WDR4: variants seen among roughly 807,000 people sequenced by gnomAD.
WDR4 encodes tRNA (guanine-N(7)-)-methyltransferase non-catalytic subunit WDR4.
A neutral mutation model predicts 48.6 loss-of-function variants in WDR4; 47 were observed. The ratio of observed to expected loss-of-function variants is 0.97; its 90% CI spans 0.77 to 1.23. The LOEUF is 1.23. Among genes scored for constraint, WDR4 ranks in the 50% most tolerant of loss-of-function variants. WDR4 has a pLI of 0.00. For missense variants in WDR4, 606 were observed against 551.6 expected (o/e 1.10, Z -0.99); for synonymous variants, 268 against 230.0 (o/e 1.17, Z -1.49).
At chr21:42,879,553 C>T (rs959807819), upstream of WDR4, 5 of 1,590,648 alleles carry the variant, frequency 3.1e-6, no homozygotes, top group East Asian at 4.5e-5. Flanking sequence ...TTCCTGTCCG[C>T]ACCGGTCGGT....
chr21:42,873,751 T>C lies in WDR4; in HGVS notation c.156-60A>G, dbSNP rs573976227. The stretch of plus-strand genomic sequence containing the variant: ...CCTAAGGAAATAAGGCTGCATTCCT[T>C]GTTGGCCAGCGTGGTAATTTCTAAC... On this transcript the variant is annotated intron_variant, in intron 2 of 10. Coordinates refer to ENST00000398208, the MANE Select transcript of WDR4 (RefSeq NM_018669.6). 9 of 1,577,036 alleles carry C rather than the reference T, an allele frequency of 5.7e-6. No homozygotes were observed. The South Asian group carries it at 8.1e-5, about 14-fold the overall frequency.
chr21:42,874,427 A>G (rs2058442815), intron 2 of WDR4, among the ~76,000 whole-genome samples: 1 of 152,228 alleles, frequency 6.6e-6, no homozygotes, highest in African/African-American at 2.4e-5. Flanking sequence ...GCACCTTGAA[A>G]AAGAACAGGA....
At chr21:42,884,841 A>G in the WDR4 span, among the ~76,000 whole-genome samples, 6 of 151,782 alleles carry the variant, frequency 4.0e-5, no homozygotes, top group African/African-American at 1.2e-4. Context: ...CAATGGTGCA[A>G]TCCAGCTCAC....
the WDR4 span, among the ~76,000 whole-genome samples, chr21:42,888,397 A>T: frequency 6.6e-6 from 1 of 152,154 alleles, no homozygotes; most frequent in Non-Finnish European, 1.5e-5. Flanking sequence ...TGTCTCTACA[A>T]AAAATACAAA....
In WDR4 at chr21:42,853,746, A is replaced by G. The variant is rs200229841; in HGVS notation, c.798T>C (p.Pro266=). The change falls in exon 9 of 11, where the codon CCT becomes CCC. Residue 266 remains proline, a synonymous_variant. Transcript: ENST00000398208. ...CGTCCAGCTGGAAGATGTAGACCAC[A>G]GGAGTGCTTGCCACGAAGAAAGAGA... is the stretch of plus-strand genomic sequence containing the variant. ...NCVALLCDGT[P]VVYIFQLDAR... 1,032 of 1,555,802 alleles carry G rather than the reference A, an allele frequency of 6.6e-4. 1 individual carries two copies. The highest frequency in any genetic ancestry group is 1.1e-3 in the South Asian group (96 of 84,448).
At chr21:42,878,252 CT>C (rs1260266959) in intron 1 of WDR4, among the ~76,000 whole-genome samples, 1 of 152,256 alleles carries the variant, frequency 6.6e-6, no homozygotes, top group East Asian at 1.9e-4. Context: ...TCCTCACCCC[CT>C]GGCACGTATC....
intron 3 of WDR4, among the ~76,000 whole-genome samples, chr21:42,869,248 G>A (rs914293811): frequency 3.9e-5 from 6 of 152,212 alleles, no homozygotes; most frequent in Non-Finnish European, 8.8e-5. Context: ...AAGGTAGCAT[G>A]AGAGGACACC....
downstream of WDR4, among the ~76,000 whole-genome samples, chr21:42,848,085 A>C (rs937076892): frequency 6.6e-6 from 1 of 152,242 alleles, no homozygotes; most frequent in African/African-American, 2.4e-5. Flanking sequence ...AAGGAAAACA[A>C]GGCACTTATG....
chr21:42,859,451 G>A (rs1051733429), intron 6 of WDR4, among the ~76,000 whole-genome samples: 5 of 151,944 alleles, frequency 3.3e-5, no homozygotes, highest in Non-Finnish European at 7.4e-5. Context: ...TCCCACAGGC[G>A]AACACACACG....
rs570806918 is a variant in WDR4, at chr21:42,862,949, G to A, written c.453+491C>T. 6.6e-6 allele frequency among the ~76,000 whole-genome samples: 1 copy of A among 152,316 alleles called. No individual in the cohort carries two copies. The highest frequency in any genetic ancestry group is 1.9e-4 in the East Asian group (1 of 5,184). ...GTGTCTGTGACACACGGGGCACACAGAGTGGGGTGACAGGGGCTGCTGGGA... is the reference window on the plus strand; with the variant it reads ...GTGTCTGTGACACACGGGGCACACAAAGTGGGGTGACAGGGGCTGCTGGGA... On this transcript the variant is annotated intron_variant, in intron 4 of 10. Coordinates refer to ENST00000398208, the MANE Select transcript of WDR4 (RefSeq NM_018669.6). This position sits in a 1 kb window ranked among gnomAD's most constrained non-coding sequence, Gnocchi z 4.3.
intron 3 of WDR4, among the ~76,000 whole-genome samples, chr21:42,866,154 C>G (rs752454756): frequency 3.9e-5 from 6 of 152,272 alleles, no homozygotes; most frequent in African/African-American, 1.4e-4. Context: ...ATGTATCACT[C>G]GTCACCCTGT....
chr21:42,853,228 G>A (rs536467974), intron 9 of WDR4, among the ~76,000 whole-genome samples: 4 of 152,258 alleles, frequency 2.6e-5, no homozygotes, highest in South Asian at 2.1e-4. Flanking sequence ...GCCCGAGGCT[G>A]TGCTAATCCA....
At chr21:42,888,131 T>G in the WDR4 span, among the ~76,000 whole-genome samples, 6 of 152,230 alleles carry the variant, frequency 3.9e-5, no homozygotes, top group East Asian at 1.2e-3. Flanking sequence ...TACAAAAAAT[T>G]TTTCAATATA....
upstream of WDR4, among the ~76,000 whole-genome samples, chr21:42,880,649 A>C (rs1209319834): frequency 6.6e-6 from 1 of 152,208 alleles, no homozygotes; most frequent in African/African-American, 2.4e-5. Context: ...GTATCTCCCC[A>C]GGCTGTATCT....
At chr21:42,855,810 A>C in intron 6 of WDR4, 30 bp from the exon 7 acceptor site, 3 of 1,511,092 alleles carry the variant, frequency 2.0e-6, no homozygotes, top group Non-Finnish European at 1.8e-6. Flanking sequence ...AGGTTAGCAC[A>C]TGGTTGTGGG....
the WDR4 span, among the ~76,000 whole-genome samples, chr21:42,888,213 G>A: frequency 2.0e-3 from 297 of 152,242 alleles, 3 homozygotes; most frequent in Admixed American, 3.8e-3. Context: ...AGTGTCAACT[G>A]AGCGAACATA....
rs1471259248 is a variant in WDR4 at position 42,849,973 on chromosome 21, G to A, written c.*76C>T. On this transcript the variant is annotated 3_prime_UTR_variant, in exon 11 of 11. Transcript: ENST00000398208. ...GATGTCACCTTTTCCTTCTTGAAGG[G>A]ACATGCCAGGATGCAGGGGAACAAG... 1.3e-6 allele frequency: 2 copies of A among 1,568,420 alleles called. No homozygotes were observed. Among genetic ancestry groups the A allele is most frequent in the Non-Finnish European group, 1.7e-6 (2 of 1,150,862 alleles).
chr21:42,859,562 G>GGGCCAGCGATCCACAGA, intron 6 of WDR4, 100 bp downstream of exon 6: 2 of 1,347,614 alleles, frequency 1.5e-6, no homozygotes, highest in Non-Finnish European at 2.1e-6. Context: ...AGCCAGCCAG[G>GGGCCAGCGATCCACAGA]GGCCAGCGAT....
intron 6 of WDR4, among the ~76,000 whole-genome samples, chr21:42,858,275 G>A (rs768497879): frequency 2.6e-5 from 4 of 152,148 alleles, no homozygotes. Context: ...CACCTCAGTG[G>A]CTTTCACATC....
Sources: gnomAD v4.1 joint callset for allele counts (sites outside exome capture counted in the v4.1 genomes callset) on GRCh38, gnomAD v4.1.1 for gene constraint, Gnocchi (gnomAD v3.1) non-coding constraint, MANE v1.5 for transcripts, NCBI Gene and HGNC (gene_info 2026-07-23, HGNC 2026-07-21) for gene names.